The following ADGRB3 variants were observed in gnomAD, a reference collection of about 807,000 sequenced individuals.
ADGRB3 encodes the protein adhesion G protein-coupled receptor B3, also known as brain-specific angiogenesis inhibitor 3.
In ADGRB3, 37 loss-of-function variants were observed where a neutral mutation model predicts 193.4. The ratio of observed to expected loss-of-function variants is 0.19; its 90% CI spans 0.15 to 0.25. ADGRB3 has a LOEUF of 0.25. ADGRB3 is among the 10% of genes least tolerant of loss of function. The pLI, the probability that ADGRB3 is intolerant of heterozygous loss-of-function variation, is 1.00. For missense variants in ADGRB3, 1,637 were observed against 1,852.9 expected, an observed-to-expected ratio of 0.88 and a Z score of 2.14; for synonymous variants, 690 against 644.2, an observed-to-expected ratio of 1.07 and a Z score of -1.08.
intron 13 of ADGRB3, among the ~76,000 whole-genome samples, chr6:69,026,585 A>T (rs1582403221): frequency 6.6e-6 from 1 of 152,200 alleles, no homozygotes; most frequent in Non-Finnish European, 1.5e-5. Context: ...AGTATTTGTC[A>T]CTTACCTAAG....
intron 3 of ADGRB3, among the ~76,000 whole-genome samples, chr6:68,742,765 G>A (rs757745583): frequency 6.6e-6 from 1 of 151,986 alleles, no homozygotes; most frequent in Non-Finnish European, 1.5e-5. Flanking sequence ...AAGTAGCCAC[G>A]TAAACTTCTA....
At chr6:69,353,548 A>G (rs573163112) in intron 26 of ADGRB3, among the ~76,000 whole-genome samples, 1 of 135,626 alleles carries the variant, frequency 7.4e-6, no homozygotes, top group Non-Finnish European at 1.8e-5. Context: ...TAAAGCTGTT[A>G]TGAAGATAAT....
intron 3 of ADGRB3, among the ~76,000 whole-genome samples, chr6:68,710,274 ATTAC>A (rs1014591799): frequency 1.3e-5 from 2 of 152,126 alleles, no homozygotes; most frequent in Non-Finnish European, 2.9e-5. Context: ...TCTGAATGTT[ATTAC>A]TTACTTCCAC....
At chr6:68,884,000 A>G (rs2150225787) in intron 3 of ADGRB3, among the ~76,000 whole-genome samples, 2 of 151,700 alleles carry the variant, frequency 1.3e-5, no homozygotes, top group South Asian at 2.1e-4. Flanking sequence ...ACAAGAAAGC[A>G]GAATTAAAAG....
Position 69,327,862 on chromosome 6 carries a change from G to A in ADGRB3, c.3008G>A (p.Arg1003Lys). 1 of 1,610,178 alleles carries A rather than the reference G, an allele frequency of 6.2e-7. No individual in the cohort carries two copies. Among genetic ancestry groups the A allele is most frequent in the Non-Finnish European group, 8.5e-7 (1 of 1,177,142 alleles). The change falls in exon 22 of 32, where the codon AGA becomes AAA. Residue 1003 changes from arginine (R) to lysine (K), a missense_variant. Arg to Lys is a conservative substitution (Grantham distance 26). This residue lies in a region of ADGRB3 where 87 missense variants were observed against 161.0 expected (regional missense o/e 0.54). Coordinates refer to ENST00000370598, the MANE Select transcript of ADGRB3 (RefSeq NM_001704.3). Reference protein sequence around the residue: ...LVVATSVGFTRTKGYGTDHYC... With the variant: ...LVVATSVGFTKTKGYGTDHYC... Reference sequence around the variant, plus strand: ...GTGGCCACATCAGTAGGCTTCACCAGAACAAAAGGATATGGCACTGATCAC... The same window carrying A: ...GTGGCCACATCAGTAGGCTTCACCAAAACAAAAGGATATGGCACTGATCAC...
At chr6:69,307,564 C>T (rs186708209) in intron 20 of ADGRB3, among the ~76,000 whole-genome samples, 2 of 151,726 alleles carry the variant, frequency 1.3e-5, no homozygotes, top group East Asian at 3.9e-4. Context: ...TTTGGAAATT[C>T]TGGGCTTGAC....
intron 17 of ADGRB3, among the ~76,000 whole-genome samples, chr6:69,079,377 C>G (rs1035421925): frequency 5.9e-5 from 9 of 152,010 alleles, no homozygotes; most frequent in East Asian, 3.9e-4. Context: ...ATTCAACACC[C>G]CTTCATGCTA....
Position 68,766,840 on chromosome 6 carries a change from A to T in ADGRB3, c.757+127408A>T, listed in dbSNP as rs116644016. Among the ~76,000 whole-genome samples the T allele has an allele frequency of 3.9e-3, 601 of 152,162 alleles. 9 individuals are homozygous for T. The highest frequency in any genetic ancestry group is 0.011 in the African/African-American group (475 of 41,564). On this transcript the variant is annotated intron_variant, in intron 3 of 31. Coordinates refer to ENST00000370598, the MANE Select transcript of ADGRB3 (RefSeq NM_001704.3). ...TGCAAATATATAGTATCTGTATATG[A>T]TTAAAAACACAACTAGTTATGTAGA...
intron 3 of ADGRB3, among the ~76,000 whole-genome samples, chr6:68,815,148 C>A (rs1022222659): frequency 3.3e-5 from 5 of 152,118 alleles, no homozygotes; most frequent in African/African-American, 1.2e-4. Flanking sequence ...GGCAATCAGG[C>A]AGGAATGCTT....
In ADGRB3 at chr6:69,153,161, A is replaced by G. The variant is rs906267824; in HGVS notation, c.2480+77123A>G. 2.0e-5 allele frequency among the ~76,000 whole-genome samples: 3 copies of G among 152,178 alleles called. No individual in the cohort carries two copies. In the East Asian group the frequency reaches 5.8e-4, roughly 29 times the overall value. On this transcript the variant is annotated intron_variant, in intron 17 of 31. Transcript: ENST00000370598. ...AAACAATTGGATTTTTAATTTTAAA[A>G]TCTGTTAAAAAGTAAGAAAAGTTTT...
chr6:68,706,782 G>A (rs1765332133), intron 3 of ADGRB3, among the ~76,000 whole-genome samples: 1 of 152,080 alleles, frequency 6.6e-6, no homozygotes, highest in Admixed American at 6.6e-5. Context: ...ATATAATATT[G>A]TAGTCTACCC....
intron 3 of ADGRB3, among the ~76,000 whole-genome samples, chr6:68,837,249 G>T (rs900317080): frequency 4.1e-4 from 63 of 152,256 alleles, no homozygotes; most frequent in African/African-American, 1.4e-3. Context: ...TAAACCTGCT[G>T]CTTTTGATAC....
intron 1 of ADGRB3, among the ~76,000 whole-genome samples, chr6:68,636,267 T>C (rs1767947412): frequency 6.6e-6 from 1 of 151,516 alleles, no homozygotes; most frequent in African/African-American, 2.4e-5. Flanking sequence ...TTGGGGTAAT[T>C]TTATGAGGGG....
chr6:68,899,143 G>A (rs982924337), intron 3 of ADGRB3, among the ~76,000 whole-genome samples: 1 of 152,102 alleles, frequency 6.6e-6, no homozygotes, highest in African/African-American at 2.4e-5. Flanking sequence ...CTTTTTGTAC[G>A]ATTTTCTCAA....
chr6:68,812,345 C>G (rs1259253889), intron 3 of ADGRB3, among the ~76,000 whole-genome samples: 1 of 148,966 alleles, frequency 6.7e-6, no homozygotes, highest in Non-Finnish European at 1.5e-5. Flanking sequence ...TTTTTTATTT[C>G]TGAGTTAACA....
chr6:69,345,048 T>G (rs1274354840), intron 26 of ADGRB3, among the ~76,000 whole-genome samples: 1 of 152,030 alleles, frequency 6.6e-6, no homozygotes, highest in Non-Finnish European at 1.5e-5. Context: ...AAAACAATAC[T>G]GATGACATTT....
chr6:68,977,234 G>A (rs969068954), intron 10 of ADGRB3, among the ~76,000 whole-genome samples: 4 of 151,592 alleles, frequency 2.6e-5, no homozygotes, highest in East Asian at 1.9e-4. Context: ...ATTAATAGCT[G>A]TCAATAACTC....
intron 20 of ADGRB3, among the ~76,000 whole-genome samples, chr6:69,279,483 T>A (rs138188383): frequency 6.6e-6 from 1 of 152,138 alleles, no homozygotes; most frequent in Non-Finnish European, 1.5e-5. Flanking sequence ...TGTATTTACC[T>A]AGCTATTTCT....
chr6:68,967,134 T>C (rs2150261346), intron 8 of ADGRB3, among the ~76,000 whole-genome samples: 1 of 152,266 alleles, frequency 6.6e-6, no homozygotes, highest in South Asian at 2.1e-4. Flanking sequence ...TTTTTAAAAA[T>C]AATAATAATT....
Sources: allele counts gnomAD v4.1 joint callset (sites outside exome capture counted in the v4.1 genomes callset), GRCh38; gene constraint gnomAD v4.1.1; regional missense constraint gnomAD v4.1.1; transcripts MANE v1.5; gene names NCBI Gene and HGNC (gene_info 2026-07-23, HGNC 2026-07-21).